Variants in COPZ1 observed in about 807,000 individuals in gnomAD.
COPZ1 encodes the protein coatomer subunit zeta-1.
In COPZ1, 4 loss-of-function variants were observed where a neutral mutation model predicts 31.7. The ratio of observed to expected loss-of-function variants is 0.13; its 90% CI spans 0.06 to 0.29. COPZ1 has a LOEUF of 0.29. Among genes scored for constraint, COPZ1 ranks in the 10% least tolerant of loss-of-function variants. The pLI, the probability that COPZ1 is intolerant of heterozygous loss-of-function variation, is 1.00. For synonymous variants in COPZ1, 74 were observed against 79.0 expected (o/e 0.94, Z 0.33); for missense variants, 156 against 211.5 (o/e 0.74, Z 1.63).
chr12:54,342,259 C>G lies in COPZ1; in HGVS notation c.141C>G (p.Asn47Lys), dbSNP rs1592206708. 5.0e-6 allele frequency: 8 copies of G among 1,613,860 alleles called. No homozygotes were observed. The highest frequency in any genetic ancestry group is 6.8e-6 in the Non-Finnish European group (8 of 1,179,852). ...AGGAGCAAAAGGCCTTTGAGAAGAA[C>G]ATTTTCAACAAGACCCATCGGACTG... ...SVKEQKAFEK[N>K]IFNKTHRTDS... is the part of the protein sequence containing the mutation. The change falls in exon 3 of 9, where the codon AAC becomes AAG. Residue 47 changes from asparagine (N) to lysine (K), a missense_variant. Asn to Lys is a moderately conservative substitution (Grantham distance 94). Coordinates refer to ENST00000262061, the MANE Select transcript of COPZ1 (RefSeq NM_016057.3).
chr12:54,335,745 C>A (rs1953850889), intron 1 of COPZ1, among the ~76,000 whole-genome samples: 2 of 151,846 alleles, frequency 1.3e-5, no homozygotes, highest in African/African-American at 2.4e-5. Context: ...AATTGTAGCT[C>A]ACTACAGCCT....
At position 54,347,897 on chromosome 12, in the gene COPZ1, C is replaced by G. The variant is rs1421964119; in HGVS notation, c.395+53C>G. On this transcript the variant is annotated intron_variant, in intron 6 of 8. Transcript: ENST00000262061. ...GGGTGAGGTGGCGGGATAACTGCCC[C>G]TGTCCTAAGTCAAGCAGGCTCAGTG... is the stretch of plus-strand genomic sequence containing the variant. The G allele has an allele frequency of 5.6e-6, 9 of 1,607,868 alleles. No homozygotes were observed. In the African/African-American group the frequency reaches 8.0e-5, roughly 14 times the overall value.
chr12:54,337,196 A>G, intron 1 of COPZ1: 1 of 533,758 alleles, frequency 1.9e-6, no homozygotes, highest in Non-Finnish European at 3.8e-6. Context: ...CCACAAAACA[A>G]TCTGCCTATA....
intron 1 of COPZ1, among the ~76,000 whole-genome samples, chr12:54,339,454 C>T (rs975917104): frequency 6.6e-6 from 1 of 152,068 alleles, no homozygotes; most frequent in Non-Finnish European, 1.5e-5. Context: ...CTCAAGAGAT[C>T]CTATCACCTC....
At chr12:54,326,154 T>TA (rs1376870667) in intron 1 of COPZ1, among the ~76,000 whole-genome samples, 1 of 146,668 alleles carries the variant, frequency 6.8e-6, no homozygotes, top group Admixed American at 6.9e-5. Flanking sequence ...TTATTATTAT[T>TA]TTTGAGACGG....
At chr12:54,339,792 A>G (rs1479692562) in intron 1 of COPZ1, among the ~76,000 whole-genome samples, 1 of 152,174 alleles carries the variant, frequency 6.6e-6, no homozygotes, top group Non-Finnish European at 1.5e-5. Context: ...CACTCACTCT[A>G]GGCCCCAGAG....
chr12:54,335,658 T>C (rs944951201), intron 1 of COPZ1, among the ~76,000 whole-genome samples: 2 of 151,688 alleles, frequency 1.3e-5, no homozygotes, highest in South Asian at 2.1e-4. Context: ...ATGAAGAACT[T>C]TTTAGTGATC....
intron 1 of COPZ1, among the ~76,000 whole-genome samples, chr12:54,331,173 CTTTTTTTTTTT>C (rs1000222358): frequency 2.5e-5 from 2 of 80,278 alleles, no homozygotes; most frequent in Admixed American, 1.6e-4. Context: ...TTTTCACACT[CTTTTTTTTTTT>C]TTTTTTTTTT....
chr12:54,335,121 C>T (rs1394632814), intron 1 of COPZ1, among the ~76,000 whole-genome samples: 2 of 150,902 alleles, frequency 1.3e-5, no homozygotes, highest in Admixed American at 6.6e-5. Context: ...TTGCAGTGAG[C>T]CAAGATTGTG....
chr12:54,334,818 C>T (rs1177141207), intron 1 of COPZ1, among the ~76,000 whole-genome samples: 1 of 152,130 alleles, frequency 6.6e-6, no homozygotes, highest in Non-Finnish European at 1.5e-5. Context: ...GATCAGACCA[C>T]TGCACTTCAG....
intron 2 of COPZ1, among the ~76,000 whole-genome samples, chr12:54,341,520 T>C (rs1953973402): frequency 6.6e-6 from 1 of 152,212 alleles, no homozygotes; most frequent in Non-Finnish European, 1.5e-5. Flanking sequence ...GATGTAACTA[T>C]GCAGGACACC....
chr12:54,349,780 C>G (rs568714655), intron 8 of COPZ1, 122 bp downstream of exon 8: 1 of 861,052 alleles, frequency 1.2e-6, no homozygotes, highest in East Asian at 2.4e-5. Flanking sequence ...TTCCTTGGCT[C>G]CCTCTTATTC....
At chr12:54,328,791 C>G (rs1034713690) in intron 1 of COPZ1, among the ~76,000 whole-genome samples, 2 of 152,090 alleles carry the variant, frequency 1.3e-5, no homozygotes, top group Non-Finnish European at 2.9e-5. Flanking sequence ...CTATGTAATG[C>G]GGTTAGGGAC....
At chr12:54,335,133 C>A (rs1002064881) in intron 1 of COPZ1, among the ~76,000 whole-genome samples, 2 of 150,062 alleles carry the variant, frequency 1.3e-5, no homozygotes, top group Non-Finnish European at 3.0e-5. Flanking sequence ...AAGATTGTGC[C>A]ACTGCACCCC....
intron 1 of COPZ1, among the ~76,000 whole-genome samples, chr12:54,335,526 A>G (rs1953844852): frequency 6.6e-6 from 1 of 151,890 alleles, no homozygotes. Context: ...CTCCTGCCTC[A>G]GCCTCCTGAG....
chr12:54,338,456 T>C (rs1276655677), intron 1 of COPZ1, among the ~76,000 whole-genome samples: 2 of 152,152 alleles, frequency 1.3e-5, no homozygotes, highest in East Asian at 1.9e-4. Context: ...GTTCTTTAGT[T>C]TGAGAGAGGA....
At chr12:54,331,494 A>C (rs1352983792) in intron 1 of COPZ1, among the ~76,000 whole-genome samples, 2 of 151,900 alleles carry the variant, frequency 1.3e-5, no homozygotes, top group Non-Finnish European at 2.9e-5. Flanking sequence ...TCTCACTCTC[A>C]ATGCAGATAT....
rs1468903508 is a variant in COPZ1, at chr12:54,351,378, C to T, written c.*855C>T. The T allele has an allele frequency of 6.6e-6, 1 of 152,150 alleles. No homozygotes were observed. Among genetic ancestry groups the T allele is most frequent in the Admixed American group, 6.6e-5 (1 of 15,260 alleles). 9.4% of individuals were successfully genotyped at this position (152,150 alleles called of 1,614,324 possible). A position where few individuals can be genotyped will look rare whatever the true frequency, so the allele number is the denominator to read the frequency against. ...ACTCAGAACTGGGGAAGGAGTGGAACTTATGACTTGGGCCTCTAGGCTGTC... is the reference window on the plus strand; with the variant it reads ...ACTCAGAACTGGGGAAGGAGTGGAATTTATGACTTGGGCCTCTAGGCTGTC... On this transcript the variant is annotated 3_prime_UTR_variant, in exon 9 of 9. Coordinates refer to ENST00000262061, the MANE Select transcript of COPZ1 (RefSeq NM_016057.3).
intron 1 of COPZ1, among the ~76,000 whole-genome samples, chr12:54,337,990 C>G (rs1053987340): frequency 1.3e-5 from 2 of 152,180 alleles, no homozygotes; most frequent in African/African-American, 4.8e-5. Context: ...GTTGTAGGCA[C>G]TCACACCCTG....
Sources: allele counts gnomAD v4.1 joint callset (sites outside exome capture counted in the v4.1 genomes callset), GRCh38; gene constraint gnomAD v4.1.1; transcripts MANE v1.5; gene names NCBI Gene and HGNC (gene_info 2026-07-23, HGNC 2026-07-21).